ARHGAP40: variants seen among roughly 807,000 people sequenced by gnomAD.
ARHGAP40 encodes Rho GTPase activating protein 40.
In ARHGAP40, 43 loss-of-function variants were observed where a neutral mutation model predicts 73.5. The observed-to-expected ratio is 0.58, with a 90% confidence interval of 0.46 to 0.75. The LOEUF is 0.75. ARHGAP40 is among the 30% of genes least tolerant of loss of function. The pLI is 0.00. For missense variants in ARHGAP40, 734 were observed against 861.8 expected (o/e 0.85, Z 1.86); for synonymous variants, 300 against 352.8 (o/e 0.85, Z 1.68).
At chr20:38,606,388 C>T (rs907265774) in intron 1 of ARHGAP40, among the ~76,000 whole-genome samples, 14 of 152,104 alleles carry the variant, frequency 9.2e-5, no homozygotes, top group African/African-American at 2.7e-4. Context: ...AATTCTGAAA[C>T]ATATTCTGGG....
At chr20:38,604,549 C>T (rs7266965) in intron 1 of ARHGAP40, among the ~76,000 whole-genome samples, 7,746 of 152,070 alleles carry the variant, frequency 0.051, 646 homozygotes, top group African/African-American at 0.18. Flanking sequence ...GCGTGCGCCA[C>T]CACGCCTGGC....
In ARHGAP40 at chr20:38,647,194, G is replaced by A. The variant is rs1273954640; in HGVS notation, c.1880+68G>A. On this transcript the variant is annotated intron_variant, in intron 13 of 14. Coordinates refer to ENST00000373345, the Ensembl canonical transcript of ARHGAP40. ...GAGGGCTCTGCACCCCAGAGCTGAAGGCCACCAGGGGGTTACACATACTGT... is the reference window on the plus strand; with the variant it reads ...GAGGGCTCTGCACCCCAGAGCTGAAAGCCACCAGGGGGTTACACATACTGT... 3 of 1,229,972 alleles carry A rather than the reference G, an allele frequency of 2.4e-6. No individual in the cohort carries two copies. In the African/African-American group the frequency reaches 4.7e-5, roughly 19 times the overall value. 76.2% of individuals were successfully genotyped at this position (1,229,972 alleles called of 1,614,324 possible).
At chr20:38,615,386 C>A (rs551246530) in intron 1 of ARHGAP40, 1 of 740,368 alleles carries the variant, frequency 1.4e-6, no homozygotes, top group South Asian at 1.4e-5. Flanking sequence ...CAGGTACCCA[C>A]CCCAATGAGG....
chr20:38,638,905 G>A (rs1601147983), intron 8 of ARHGAP40, 67 bp downstream of exon 8: 5 of 1,261,298 alleles, frequency 4.0e-6, no homozygotes, highest in African/African-American at 1.5e-5. Context: ...GTGTTAAGCC[G>A]GGAGGGAAAC....
At chr20:38,616,684 T>C (rs906819947) in intron 1 of ARHGAP40, among the ~76,000 whole-genome samples, 1 of 152,162 alleles carries the variant, frequency 6.6e-6, no homozygotes, top group African/African-American at 2.4e-5. Context: ...TGAAATGGGA[T>C]GATAAGAAGT....
At chr20:38,603,552 C>A (rs1022733971) in intron 1 of ARHGAP40, among the ~76,000 whole-genome samples, 3 of 151,742 alleles carry the variant, frequency 2.0e-5, no homozygotes, top group Non-Finnish European at 4.4e-5. Flanking sequence ...TTTCCTATTG[C>A]TGCTATAACA....
Position 38,647,133 on chromosome 20 carries a change from G to A in ARHGAP40, c.1880+7G>A. 7.7e-7 allele frequency: 1 copy of A among 1,302,816 alleles called. No homozygotes were observed. The highest frequency in any genetic ancestry group is 1.2e-5 in the South Asian group (1 of 80,798). The allele number at this position is 1,302,816 out of a possible 1,614,324, so 80.7% of individuals were successfully genotyped here. A position where few individuals can be genotyped will look rare whatever the true frequency, so the allele number is the denominator to read the frequency against. On this transcript the variant is annotated splice_region_variant and intron_variant, in intron 13 of 14. Transcript: ENST00000373345. ...TGGACAGCCTCCTTCTACAGTAAGAGGCACCTCCTGGAGGCAGGAGCCTCT... is the reference window on the plus strand; with the variant it reads ...TGGACAGCCTCCTTCTACAGTAAGAAGCACCTCCTGGAGGCAGGAGCCTCT...
Position 38,605,432 on chromosome 20 carries a change from A to T in ARHGAP40, c.137+3353A>T, listed in dbSNP as rs73621960. Among the ~76,000 whole-genome samples the T allele has an allele frequency of 3.8e-3, 577 of 152,302 alleles. 26 individuals are homozygous for T. In the East Asian group the frequency reaches 0.1, roughly 27 times the overall value. On this transcript the variant is annotated intron_variant, in intron 1 of 14. Coordinates refer to ENST00000373345, the Ensembl canonical transcript of ARHGAP40. ...AGAGTCAATGTTGTCATCAAACAGA[A>T]CATCCCATAATGTGAGGGGGACACC... is the stretch of plus-strand genomic sequence containing the variant.
chr20:38,620,398 C>T (rs2088867889), intron 1 of ARHGAP40, among the ~76,000 whole-genome samples: 1 of 152,202 alleles, frequency 6.6e-6, no homozygotes, highest in South Asian at 2.1e-4. Flanking sequence ...TCTGTTCTTT[C>T]CCCTCTCTGA....
At chr20:38,634,668 T>A (rs1407210215) in exon 6 of ARHGAP40, 1 of 1,305,428 alleles carries the variant, frequency 7.7e-7, no homozygotes, top group South Asian at 1.2e-5. Context: ...GATAGGAGAC[T>A]TGTCCCTGCA....
rs182615358 is a variant in ARHGAP40 at position 38,616,274 on chromosome 20, G to A, written c.138-7085G>A. ...AGCTTGGCACTGCCCAACAGCGGCT[G>A]TTGCTCTTCCAGCCTTCCCCACTGG... On this transcript the variant is annotated intron_variant, in intron 1 of 14. Transcript: ENST00000373345. Among the ~76,000 whole-genome samples the A allele has an allele frequency of 3.0e-3, 464 of 152,360 alleles. 2 individuals are homozygous for A. The highest frequency in any genetic ancestry group is 0.01 in the African/African-American group (423 of 41,580).
intron 2 of ARHGAP40, 56 bp from the exon 3 acceptor site, chr20:38,626,939 C>T (rs557395499): frequency 4.7e-5 from 59 of 1,264,790 alleles, no homozygotes; most frequent in South Asian, 1.0e-4. Context: ...TTGGTTAGCA[C>T]GAGTGGCTGA....
chr20:38,623,300 C>A, intron 1 of ARHGAP40, 59 bp from the exon 2 acceptor site: 1 of 1,204,226 alleles, frequency 8.3e-7, no homozygotes, highest in South Asian at 1.4e-5. Context: ...AGCCTCAGCA[C>A]AACCCCCATC....
At chr20:38,633,414 AAGTAGT>A (rs2145608135) in intron 5 of ARHGAP40, among the ~76,000 whole-genome samples, 1 of 152,344 alleles carries the variant, frequency 6.6e-6, no homozygotes, top group South Asian at 2.1e-4. Flanking sequence ...ATAAACTAAA[AAGTAGT>A]AGTAAGTATT....
chr20:38,628,391 G>A (rs984191035), intron 3 of ARHGAP40, among the ~76,000 whole-genome samples: 4 of 151,316 alleles, frequency 2.6e-5, no homozygotes, highest in African/African-American at 4.9e-5. Context: ...TGCAAGCTCC[G>A]CCTCCCGGGT....
exon 2 of ARHGAP40, chr20:38,623,476 T>A: frequency 7.7e-7 from 1 of 1,290,908 alleles, no homozygotes; most frequent in Non-Finnish European, 1.0e-6. Flanking sequence ...TGGATGGCTT[T>A]TGGATGGAGG....
chr20:38,639,928 C>T (rs1267486604), intron 9 of ARHGAP40, among the ~76,000 whole-genome samples: 1 of 152,212 alleles, frequency 6.6e-6, no homozygotes, highest in African/African-American at 2.4e-5. Context: ...CTCCTGAGAT[C>T]TCACTCACAA....
chr20:38,634,870 A>C, intron 6 of ARHGAP40, 85 bp downstream of exon 6: 25 of 1,138,766 alleles, frequency 2.2e-5, no homozygotes, highest in East Asian at 6.9e-5. Flanking sequence ...AGAGATGCTC[A>C]GCTTTGTCTT....
intron 1 of ARHGAP40, among the ~76,000 whole-genome samples, chr20:38,608,657 T>C (rs2088787235): frequency 6.6e-6 from 1 of 152,108 alleles, no homozygotes. Flanking sequence ...CTATAGTGGC[T>C]AAGGTGACTT....
Sources: gnomAD v4.1 joint callset for allele counts (sites outside exome capture counted in the v4.1 genomes callset) on GRCh38, gnomAD v4.1.1 for gene constraint, MANE v1.5 for transcripts, NCBI Gene and HGNC (gene_info 2026-07-23, HGNC 2026-07-21) for gene names.